The following CLSPN variants were observed in gnomAD, a reference collection of about 807,000 sequenced individuals.
CLSPN encodes the protein claspin.
A neutral mutation model predicts 156.3 loss-of-function variants in CLSPN; 85 were observed. The ratio of observed to expected loss-of-function variants is 0.54; its 90% CI spans 0.46 to 0.65. The LOEUF is 0.65. CLSPN is among the 30% of genes least tolerant of loss of function. The probability of loss-of-function intolerance (pLI) is 0.00; values close to 1 mark genes in which losing one functional copy is unlikely to be tolerated. For missense variants in CLSPN, 1,407 were observed against 1,554.9 expected, an observed-to-expected ratio of 0.90 and a Z score of 1.60; for synonymous variants, 534 against 542.4, an observed-to-expected ratio of 0.98 and a Z score of 0.22.
In CLSPN at chr1:35,760,329, T is replaced by C. The variant is rs777624023; in HGVS notation, c.1579+13A>G. ...ATCACTCCAGGGAGGCTCCCCACAA[T>C]GTAAAGGATTACCTCTGTTGGTTTC... On this transcript the variant is annotated intron_variant, in intron 8 of 24. Coordinates refer to ENST00000318121, the MANE Select transcript of CLSPN (RefSeq NM_022111.4). The C allele has an allele frequency of 1.7e-5, 28 of 1,600,178 alleles. No homozygotes were observed. The African/African-American group carries it at 2.0e-4, about 12-fold the overall frequency.
At chr1:35,729,355 C>T (rs181536581), downstream of CLSPN, among the ~76,000 whole-genome samples, 9 of 152,312 alleles carry the variant, frequency 5.9e-5, no homozygotes, top group Admixed American at 1.3e-4. Context: ...AGGGAAGGAA[C>T]TCAGGTGTCC....
chr1:35,756,074 C>T (rs997358546), intron 8 of CLSPN, among the ~76,000 whole-genome samples: 1 of 152,012 alleles, frequency 6.6e-6, no homozygotes, highest in Non-Finnish European at 1.5e-5. Context: ...TTCCTCTAGA[C>T]GGTCTTACTA....
At chr1:35,727,024 C>T (rs139025538) in intron 24 of CLSPN, among the ~76,000 whole-genome samples, 1 of 152,298 alleles carries the variant, frequency 6.6e-6, no homozygotes, top group East Asian at 1.9e-4. Flanking sequence ...GATGCTGCTG[C>T]CCTCTGGTGG....
chr1:35,763,800 T>G (rs1046395372), intron 3 of CLSPN, among the ~76,000 whole-genome samples: 3 of 150,994 alleles, frequency 2.0e-5, no homozygotes, highest in Non-Finnish European at 3.0e-5. Context: ...GGTTTTTGTT[T>G]TTTTTTTTTT....
chr1:35,748,265 A>G lies in CLSPN; in HGVS notation c.2472+140T>C, dbSNP rs1215178970. On this transcript the variant is annotated intron_variant, in intron 13 of 24. Coordinates refer to ENST00000318121, the MANE Select transcript of CLSPN (RefSeq NM_022111.4). ...ACTGGATGAAGCTTGTTTTTAATACACAAAGGGGGTGGATTTTTTAAACTG... is the reference window on the plus strand; with the variant it reads ...ACTGGATGAAGCTTGTTTTTAATACGCAAAGGGGGTGGATTTTTTAAACTG... 6 of 983,524 alleles carry G rather than the reference A, an allele frequency of 6.1e-6. No individual in the cohort carries two copies. In the East Asian group the frequency reaches 9.5e-5, roughly 16 times the overall value. 60.9% of individuals were successfully genotyped at this position (983,524 alleles called of 1,614,324 possible).
In CLSPN at chr1:35,762,081, A is replaced by C. The variant is rs1261443489; in HGVS notation, c.823-11T>G. The C allele has an allele frequency of 1.9e-6, 3 of 1,569,704 alleles. No individual in the cohort carries two copies. In the African/African-American group the frequency reaches 4.0e-5, roughly 21 times the overall value. Reference sequence around the variant, plus strand: ...GGCTGCCTTTCTTTCCTTAAAGAAAACAAGAAGTGAGACTACATTAATTAT... The same window carrying C: ...GGCTGCCTTTCTTTCCTTAAAGAAACCAAGAAGTGAGACTACATTAATTAT... On this transcript the variant is annotated splice_polypyrimidine_tract_variant and intron_variant, in intron 5 of 24. Coordinates refer to ENST00000318121, the MANE Select transcript of CLSPN (RefSeq NM_022111.4).
chr1:35,764,744 C>A (rs1642612818), intron 2 of CLSPN, 30 bp from the exon 3 acceptor site: 1 of 1,433,378 alleles, frequency 7.0e-7, no homozygotes, highest in African/African-American at 1.4e-5. Flanking sequence ...TTTAATTATA[C>A]CATCATTTGA....
chr1:35,736,334 G>A lies in CLSPN; in HGVS notation c.*162C>T. 7.7e-7 allele frequency: 1 copy of A among 1,302,692 alleles called. No individual in the cohort carries two copies. The highest frequency in any genetic ancestry group is 2.5e-5 in the South Asian group (1 of 39,522). 80.7% of individuals were successfully genotyped at this position (1,302,692 alleles called of 1,614,324 possible). On this transcript the variant is annotated 3_prime_UTR_variant, in exon 25 of 25. Coordinates refer to ENST00000318121, the MANE Select transcript of CLSPN (RefSeq NM_022111.4). Reference sequence around the variant, plus strand: ...AGGGAATAATACTAGGAAAAGAGATGTCCAGAGCTGTGCAGTAGAAATCAC... The same window carrying A: ...AGGGAATAATACTAGGAAAAGAGATATCCAGAGCTGTGCAGTAGAAATCAC...
At position 35,732,665 on chromosome 1, in the gene CLSPN, C is replaced by T; in HGVS notation, c.*3831G>A. On this transcript the variant is annotated 3_prime_UTR_variant, in exon 25 of 25. Coordinates refer to ENST00000318121, the MANE Select transcript of CLSPN (RefSeq NM_022111.4). ...CCTATCTCCCACACTCATGGGCTCT[C>T]ATCCCTCCAAATATGTAATTTCCAA... is the stretch of plus-strand genomic sequence containing the variant. 1 of 985,450 alleles carries T rather than the reference C, an allele frequency of 1.0e-6. No homozygotes were observed. The highest frequency in any genetic ancestry group is 1.2e-6 in the Non-Finnish European group (1 of 829,934). The allele number at this position is 985,450 out of a possible 1,614,324, so 61.0% of individuals were successfully genotyped here. A position where few individuals can be genotyped will look rare whatever the true frequency, so the allele number is the denominator to read the frequency against.
At position 35,743,188 on chromosome 1, in the gene CLSPN, A is replaced by C; in HGVS notation, c.3096T>G (p.Asp1032Glu). Residue 1032 changes from aspartate to glutamate, a missense_variant, in exon 18 of 25, where the codon GAT becomes GAG. Physicochemically the swap from Asp to Glu is conservative, Grantham distance 45 (BLOSUM62 2). This residue lies in a region of CLSPN where 1,096 missense variants were observed against 1,193.0 expected (regional missense o/e 0.92). Transcript: ENST00000318121. The part of the protein sequence containing the change: ...NDLALEDHED[D>E]DEEELLKRSE... ...ATCGCTTCAGGAGTTCTTCTTCATC[A>C]TCATCTTCATGGTCTTCCAGTGCCA... 1 of 1,614,136 alleles carries C rather than the reference A, an allele frequency of 6.2e-7. No homozygotes were observed. The highest frequency in any genetic ancestry group is 1.7e-5 in the Admixed American group (1 of 60,008).
chr1:35,751,422 A>C lies in CLSPN; in HGVS notation c.1856T>G (p.Leu619Arg). Reference sequence around the variant, plus strand: ...CCCATCTTCATTATCTAATTTAAACAGTGCTTGGCGCTTCTGGCGCTCCTC... The same window carrying C: ...CCCATCTTCATTATCTAATTTAAACCGTGCTTGGCGCTTCTGGCGCTCCTC... The part of the protein sequence containing the change: ...RFEERQKRQA[L>R]FKLDNEDGFE... Residue 619 changes from leucine to arginine, a missense_variant, in exon 10 of 25, where the codon CTG becomes CGG. By Grantham distance (102) the Leu-to-Arg change is moderately radical (BLOSUM62 -2). Around this residue, in one of 3 missense-constraint regions of CLSPN, gnomAD observed 1,096 missense variants for 1,193.0 expected, o/e 0.92. Transcript: ENST00000318121. 6.2e-7 allele frequency: 1 copy of C among 1,614,012 alleles called. No individual in the cohort carries two copies. Among genetic ancestry groups the C allele is most frequent in the South Asian group, 1.1e-5 (1 of 91,080 alleles).
rs144317946 is a variant in CLSPN at position 35,739,062 on chromosome 1, G to A, written c.3430+74C>T. The A allele has an allele frequency of 2.1e-3, 3,327 of 1,548,454 alleles. 73 individuals are homozygous for A. In the African/African-American group the frequency reaches 0.039, roughly 18 times the overall value. On this transcript the variant is annotated intron_variant, in intron 20 of 24. Coordinates refer to ENST00000318121, the MANE Select transcript of CLSPN (RefSeq NM_022111.4). ...GATCCACCTGCCTCTGCCTCCCAAA[G>A]TGTTGGGATTACAGGCGTGAGCCAC...
At chr1:35,721,084 G>T in intron 24 of CLSPN, 2 of 759,238 alleles carry the variant, frequency 2.6e-6, no homozygotes, top group East Asian at 2.8e-5. Flanking sequence ...TTATAGTTTT[G>T]TATGCCTTAT....
chr1:35,739,586 G>A (rs962765732), intron 18 of CLSPN, 57 bp from the exon 19 acceptor site: 15 of 1,346,298 alleles, frequency 1.1e-5, no homozygotes, highest in Middle Eastern at 3.7e-4. Flanking sequence ...CACAGAATAT[G>A]GAAGCAAAGA....
Position 35,747,129 on chromosome 1 carries a change from T to C in CLSPN, c.2628-137A>G, listed in dbSNP as rs990992102. 44 of 621,374 alleles carry C rather than the reference T, an allele frequency of 7.1e-5. No homozygotes were observed. The African/African-American group carries it at 7.6e-4, about 11-fold the overall frequency. 38.5% of individuals were successfully genotyped at this position (621,374 alleles called of 1,614,324 possible). Reference sequence around the variant, plus strand: ...CGAGGTCAGGAGATCAAGACCATCCTGGCTAACATGGTGAAACCCCGTCTC... The same window carrying C: ...CGAGGTCAGGAGATCAAGACCATCCCGGCTAACATGGTGAAACCCCGTCTC... On this transcript the variant is annotated intron_variant, in intron 14 of 24. Coordinates refer to ENST00000318121, the MANE Select transcript of CLSPN (RefSeq NM_022111.4).
chr1:35,763,350 TC>T (rs1268871334), intron 3 of CLSPN, 29 bp from the exon 4 acceptor site: 24 of 1,502,810 alleles, frequency 1.6e-5, no homozygotes, highest in Non-Finnish European at 2.0e-5. Flanking sequence ...AAAAGCATAA[TC>T]CAATCATTTA....
rs1642452380 is a variant in CLSPN at position 35,760,876 on chromosome 1, C to T, written c.1045G>A (p.Asp349Asn). 6.2e-7 allele frequency: 1 copy of T among 1,612,866 alleles called. No individual in the cohort carries two copies. Among genetic ancestry groups the T allele is most frequent in the African/African-American group, 1.3e-5 (1 of 74,860 alleles). ...TTCATTTCAGTAGTATTTGCAGTGT[C>T]TATGATTTCTTTGTGATGGCTTGAC... ...YQSSHHKEII[D>N]TANTTEMNSD... is the part of the protein sequence containing the mutation. The change falls in exon 8 of 25, where the codon GAC becomes AAC. Residue 349 changes from aspartate (D) to asparagine (N), a missense_variant. Around this residue, in one of 3 missense-constraint regions of CLSPN, gnomAD observed 1,096 missense variants for 1,193.0 expected, o/e 0.92. Coordinates refer to ENST00000318121, the MANE Select transcript of CLSPN (RefSeq NM_022111.4).
intron 14 of CLSPN, 46 bp downstream of exon 14, chr1:35,747,861 C>G (rs1303242676): frequency 1.3e-6 from 2 of 1,560,706 alleles, no homozygotes. Flanking sequence ...CAAAATTAAG[C>G]AGTACCCAGC....
intron 24 of CLSPN, among the ~76,000 whole-genome samples, chr1:35,726,934 C>G (rs1641204667): frequency 6.6e-6 from 1 of 152,060 alleles, no homozygotes; most frequent in Non-Finnish European, 1.5e-5. Context: ...TGATCCTGCC[C>G]AATACTGGTG....
Sources: allele counts gnomAD v4.1 joint callset (sites outside exome capture counted in the v4.1 genomes callset), GRCh38; gene constraint gnomAD v4.1.1; regional missense constraint gnomAD v4.1.1; transcripts MANE v1.5; gene names NCBI Gene and HGNC (gene_info 2026-07-23, HGNC 2026-07-21).